The following PAIP2B variants were observed in gnomAD, a reference collection of about 807,000 sequenced individuals.
PAIP2B encodes the protein poly(A) binding protein interacting protein 2B.
Under a neutral mutation model 17.0 loss-of-function variants are expected in PAIP2B, and 13 were observed. The observed-to-expected ratio is 0.76, with a 90% CI of 0.50 to 1.22. The LOEUF (loss-of-function observed/expected upper bound fraction) is 1.22. PAIP2B is among the 50% of genes most tolerant of loss of function. PAIP2B has a pLI of 0.00. For missense variants in PAIP2B, 117 were observed against 144.5 expected, an observed-to-expected ratio of 0.81 and a Z score of 0.98; for synonymous variants, 43 against 48.7, an observed-to-expected ratio of 0.88 and a Z score of 0.48.
intron 1 of PAIP2B, among the ~76,000 whole-genome samples, chr2:71,207,608 A>C (rs1675167168): frequency 6.6e-6 from 1 of 152,124 alleles, no homozygotes; most frequent in East Asian, 1.9e-4. Flanking sequence ...ATAATGAGAG[A>C]CTGGTAAGGC....
intron 1 of PAIP2B, among the ~76,000 whole-genome samples, chr2:71,212,959 C>T (rs1558781186): frequency 6.6e-6 from 1 of 151,420 alleles, no homozygotes; most frequent in Non-Finnish European, 1.5e-5. Flanking sequence ...TGCTTGTTGC[C>T]CAGGCTGGTC....
intron 3 of PAIP2B, among the ~76,000 whole-genome samples, chr2:71,188,871 C>A (rs1346902880): frequency 6.6e-6 from 1 of 152,174 alleles, no homozygotes; most frequent in Non-Finnish European, 1.5e-5. Context: ...CTGGATACCA[C>A]AATCTCTATT....
intron 1 of PAIP2B, among the ~76,000 whole-genome samples, chr2:71,203,436 T>A (rs1297130940): frequency 6.6e-6 from 1 of 152,106 alleles, no homozygotes; most frequent in Non-Finnish European, 1.5e-5. Context: ...GCTCTTGGCA[T>A]TGCCACACTA....
chr2:71,200,047 T>G (rs1674939181), intron 2 of PAIP2B, among the ~76,000 whole-genome samples: 1 of 152,222 alleles, frequency 6.6e-6, no homozygotes, highest in African/African-American at 2.4e-5. Flanking sequence ...TCACAGTCAA[T>G]GAAAATCTTT....
rs1674517280 is a variant in PAIP2B, at chr2:71,185,610, TG to T, written c.*2868del. On this transcript the variant is annotated 3_prime_UTR_variant, in exon 4 of 4. Coordinates refer to ENST00000244221, the MANE Select transcript of PAIP2B (RefSeq NM_020459.1). ...AAAAAAAAAGAGGGACCCCAGCTGC[TG>T]TGACTTTGGAAACTAAAGGTGTTAA... 1 of 150,886 alleles carries T rather than the reference TG, an allele frequency of 6.6e-6. No homozygotes were observed. Among genetic ancestry groups the T allele is most frequent in the Non-Finnish European group, 1.5e-5 (1 of 67,852 alleles). The allele number at this position is 150,886 out of a possible 1,614,324, so 9.3% of individuals were successfully genotyped here.
At chr2:71,201,175 T>C (rs143685149) in intron 2 of PAIP2B, among the ~76,000 whole-genome samples, 67 of 152,310 alleles carry the variant, frequency 4.4e-4, no homozygotes, top group African/African-American at 1.5e-3. Flanking sequence ...TGGCTTCTAA[T>C]AGCCCTGGTG....
intron 1 of PAIP2B, among the ~76,000 whole-genome samples, chr2:71,203,112 G>A (rs936835425): frequency 1.3e-5 from 2 of 152,110 alleles, no homozygotes; most frequent in African/African-American, 4.8e-5. Context: ...GCCATCCAGA[G>A]TTAAGAACAA....
chr2:71,201,512 C>G (rs1674984753), intron 2 of PAIP2B, among the ~76,000 whole-genome samples: 1 of 151,950 alleles, frequency 6.6e-6, no homozygotes, highest in South Asian at 2.1e-4. Context: ...TCCCAAGTAG[C>G]TGGGATTATA....
intron 1 of PAIP2B, among the ~76,000 whole-genome samples, chr2:71,206,749 T>C (rs1675138027): frequency 2.0e-5 from 3 of 152,234 alleles, no homozygotes; most frequent in Non-Finnish European, 4.4e-5. Context: ...AATGTGCCTA[T>C]GATAACAGTT....
intron 2 of PAIP2B, among the ~76,000 whole-genome samples, chr2:71,199,627 C>T (rs1219122777): frequency 2.0e-5 from 3 of 150,884 alleles, no homozygotes; most frequent in Non-Finnish European, 4.4e-5. Context: ...AGTGCAGTGG[C>T]GCGATCTCAG....
At chr2:71,221,725 G>T (rs1268821940) in intron 1 of PAIP2B, among the ~76,000 whole-genome samples, 1 of 152,120 alleles carries the variant, frequency 6.6e-6, no homozygotes, top group South Asian at 2.1e-4. Flanking sequence ...CTCTCCAAAG[G>T]GTTCTTTTAA....
intron 2 of PAIP2B, among the ~76,000 whole-genome samples, chr2:71,191,554 C>T (rs1674687830): frequency 6.6e-6 from 1 of 152,230 alleles, no homozygotes; most frequent in Non-Finnish European, 1.5e-5. Context: ...CCCCTTTAAA[C>T]TTGTTTCCTT....
intron 1 of PAIP2B, among the ~76,000 whole-genome samples, chr2:71,203,780 T>C (rs1675051483): frequency 6.6e-6 from 1 of 151,822 alleles, no homozygotes; most frequent in Admixed American, 6.6e-5. Flanking sequence ...AATATGTTAT[T>C]CATTATATTT....
chr2:71,225,713 C>T (rs1170987729), intron 1 of PAIP2B, among the ~76,000 whole-genome samples: 1 of 152,154 alleles, frequency 6.6e-6, no homozygotes, highest in Admixed American at 6.5e-5. Flanking sequence ...TAGCTTTTCC[C>T]CATAAAATTG....
At chr2:71,204,152 A>G (rs1386366946) in intron 1 of PAIP2B, among the ~76,000 whole-genome samples, 1 of 147,486 alleles carries the variant, frequency 6.8e-6, no homozygotes, top group African/African-American at 2.5e-5. Flanking sequence ...AGATTTTGTA[A>G]CTCACCACAA....
chr2:71,188,025 GCT>G lies in PAIP2B; in HGVS notation c.*452_*453del, dbSNP rs1020086524. 1.3e-5 allele frequency: 2 copies of G among 158,224 alleles called. No individual in the cohort carries two copies. The highest frequency in any genetic ancestry group is 4.8e-5 in the African/African-American group (2 of 41,452). 9.8% of individuals were successfully genotyped at this position (158,224 alleles called of 1,614,324 possible). Reference sequence around the variant, plus strand: ...CCTCAAATTCCAGTTTGCACCACCTGCTCTTTCTGCTTGTCCCTTTTCCCATC... The same window carrying G: ...CCTCAAATTCCAGTTTGCACCACCTGCTTTCTGCTTGTCCCTTTTCCCATC... On this transcript the variant is annotated 3_prime_UTR_variant, in exon 4 of 4. Coordinates refer to ENST00000244221, the MANE Select transcript of PAIP2B (RefSeq NM_020459.1).
At chr2:71,190,519 G>A (rs1403300244) in intron 2 of PAIP2B, among the ~76,000 whole-genome samples, 1 of 152,152 alleles carries the variant, frequency 6.6e-6, no homozygotes, top group South Asian at 2.1e-4. Flanking sequence ...ACTAGCTAGA[G>A]ATAGCATAAT....
At chr2:71,208,044 A>G (rs1424863268) in intron 1 of PAIP2B, among the ~76,000 whole-genome samples, 1 of 152,296 alleles carries the variant, frequency 6.6e-6, no homozygotes, top group East Asian at 1.9e-4. Context: ...AGTCATAGGA[A>G]TAGAAGATAC....
intron 1 of PAIP2B, among the ~76,000 whole-genome samples, chr2:71,211,969 C>G (rs914424582): frequency 1.3e-5 from 2 of 152,184 alleles, no homozygotes; most frequent in Non-Finnish European, 2.9e-5. Context: ...ATCAATTGTC[C>G]TCCCAGAATA....
Sources: gnomAD v4.1 joint callset for allele counts (sites outside exome capture counted in the v4.1 genomes callset) on GRCh38, gnomAD v4.1.1 for gene constraint, MANE v1.5 for transcripts, NCBI Gene and HGNC (gene_info 2026-07-23, HGNC 2026-07-21) for gene names.